The following UIMC1 variants were observed in gnomAD, a reference collection of about 807,000 sequenced individuals.
UIMC1 encodes the protein ubiquitin interaction motif containing 1.
In UIMC1, 42 loss-of-function variants were observed where a neutral mutation model predicts 84.9. The observed-to-expected ratio is 0.49, with a 90% CI of 0.39 to 0.64. UIMC1 has a LOEUF of 0.64. UIMC1 is among the 30% of genes least tolerant of loss of function. UIMC1 has a pLI of 0.00. For synonymous variants in UIMC1, 281 were observed against 293.0 expected (o/e 0.96, Z 0.42); for missense variants, 825 against 847.6 (o/e 0.97, Z 0.33).
chr5:176,970,701 C>T, intron 4 of UIMC1, 41 bp downstream of exon 4: 1 of 1,613,440 alleles, frequency 6.2e-7, no homozygotes, highest in East Asian at 2.2e-5. Context: ...AAAAATATAG[C>T]TGATCAATCT....
At chr5:176,996,572 T>A (rs1444399809) in intron 1 of UIMC1, among the ~76,000 whole-genome samples, 1 of 152,012 alleles carries the variant, frequency 6.6e-6, no homozygotes, top group Admixed American at 6.5e-5. Context: ...TAAAACAAAC[T>A]AAGAAATGTT....
rs968715144 is a variant in UIMC1, at chr5:176,939,130, GC to G, written c.1597+4204del. Among the ~76,000 whole-genome samples, 36 of 151,636 alleles carry G rather than the reference GC, an allele frequency of 2.4e-4. No individual in the cohort carries two copies. In the South Asian group the frequency reaches 2.7e-3, roughly 11 times the overall value. On this transcript the variant is annotated intron_variant, in intron 10 of 14. Coordinates refer to ENST00000511320, the MANE Select transcript of UIMC1 (RefSeq NM_001199298.2). ...AAACTAGCCAGGCGGGGTGGTGTGT[GC>G]CCATAGTCCCAGCTACTCATGAGGC...
chr5:176,981,044 C>A (rs919753206), intron 2 of UIMC1, among the ~76,000 whole-genome samples: 10 of 152,054 alleles, frequency 6.6e-5, no homozygotes, highest in Non-Finnish European at 2.9e-5. Flanking sequence ...GATGTACCTA[C>A]CCCTTGTTTT....
chr5:176,994,510 T>C (rs1260744034), intron 1 of UIMC1, among the ~76,000 whole-genome samples: 2 of 138,350 alleles, frequency 1.4e-5, no homozygotes, highest in Non-Finnish European at 3.1e-5. Context: ...GCAGTTTCTT[T>C]AAAAAAAAAA....
At chr5:176,950,951 G>A (rs1226560904) in intron 9 of UIMC1, among the ~76,000 whole-genome samples, 3 of 151,626 alleles carry the variant, frequency 2.0e-5, no homozygotes, top group Non-Finnish European at 2.9e-5. Context: ...CAGCTTTATG[G>A]TTACTGCCAG....
Position 176,905,211 on chromosome 5 carries a change from A to C in UIMC1, c.*71T>G. 6.6e-7 allele frequency: 1 copy of C among 1,517,512 alleles called. No homozygotes were observed. The highest frequency in any genetic ancestry group is 9.0e-7 in the Non-Finnish European group (1 of 1,111,290). The allele number at this position is 1,517,512 out of a possible 1,614,324, so 94.0% of individuals were successfully genotyped here. A position where few individuals can be genotyped will look rare whatever the true frequency, so the allele number is the denominator to read the frequency against. On this transcript the variant is annotated 3_prime_UTR_variant, in exon 15 of 15. Transcript: ENST00000511320. ...AAACTTGCTCAACAATGAACTAGGG[A>C]CCACTATGGCTTAATGAACATGGCC... is the stretch of plus-strand genomic sequence containing the variant.
intron 9 of UIMC1, among the ~76,000 whole-genome samples, chr5:176,947,520 T>C (rs1416400381): frequency 2.0e-5 from 3 of 152,162 alleles, no homozygotes; most frequent in Non-Finnish European, 4.4e-5. Context: ...TTTTAAAATA[T>C]TATACAACTA....
intron 10 of UIMC1, among the ~76,000 whole-genome samples, chr5:176,927,852 T>A (rs891467375): frequency 1.7e-4 from 23 of 136,702 alleles, no homozygotes; most frequent in African/African-American, 6.2e-4. Flanking sequence ...GCCAGCCAGC[T>A]TTTTTTTTTT....
chr5:177,020,081 C>T (rs1462600881), intron 1 of UIMC1, among the ~76,000 whole-genome samples: 1 of 152,202 alleles, frequency 6.6e-6, no homozygotes. Context: ...GACTAAATTA[C>T]ACCAATGAGC....
upstream of UIMC1, among the ~76,000 whole-genome samples, chr5:177,007,566 A>G (rs1213648803): frequency 6.6e-6 from 1 of 152,224 alleles, no homozygotes; most frequent in Non-Finnish European, 1.5e-5. Flanking sequence ...CTAGGTCACA[A>G]CTACTTAAGT....
At chr5:177,013,980 A>G (rs1317674891) in intron 1 of UIMC1, among the ~76,000 whole-genome samples, 6 of 152,146 alleles carry the variant, frequency 3.9e-5, no homozygotes, top group Non-Finnish European at 7.4e-5. Flanking sequence ...ACACTCCCAG[A>G]AGGAAAGTAG....
intron 10 of UIMC1, among the ~76,000 whole-genome samples, chr5:176,920,638 G>A (rs72648808): frequency 0.058 from 8,811 of 152,172 alleles, 498 homozygotes; most frequent in East Asian, 0.28. Context: ...CTTGTATCCT[G>A]CAAACTTGCT....
At chr5:176,984,801 C>T (rs977432135) in intron 1 of UIMC1, among the ~76,000 whole-genome samples, 6 of 152,168 alleles carry the variant, frequency 3.9e-5, no homozygotes, top group African/African-American at 1.4e-4. Flanking sequence ...CCCCCAACCC[C>T]GTGCTCTCTG....
chr5:176,910,975 G>A (rs1019752961), intron 11 of UIMC1, among the ~76,000 whole-genome samples: 4 of 152,010 alleles, frequency 2.6e-5, no homozygotes, highest in Admixed American at 2.0e-4. Context: ...TGTAATCCCA[G>A]CTACTTGGGA....
intron 1 of UIMC1, among the ~76,000 whole-genome samples, chr5:176,995,170 C>T (rs1295654888): frequency 6.6e-6 from 1 of 152,062 alleles, no homozygotes; most frequent in African/African-American, 2.4e-5. Context: ...CATTACCACC[C>T]AAAAACTTGT....
At chr5:177,018,843 T>C (rs1775728582) in intron 1 of UIMC1, among the ~76,000 whole-genome samples, 1 of 152,236 alleles carries the variant, frequency 6.6e-6, no homozygotes, top group Non-Finnish European at 1.5e-5. Context: ...GAGCATGTAA[T>C]TGGATTGGAG....
chr5:176,990,305 C>G (rs966299658), intron 1 of UIMC1, among the ~76,000 whole-genome samples: 3 of 152,022 alleles, frequency 2.0e-5, no homozygotes, highest in Non-Finnish European at 2.9e-5. Flanking sequence ...CCCCTTTTAC[C>G]CTTCTGCCAT....
intron 10 of UIMC1, among the ~76,000 whole-genome samples, chr5:176,915,364 G>A (rs1760834503): frequency 3.3e-5 from 5 of 151,432 alleles, no homozygotes. Context: ...CTTGTTTTAT[G>A]AGGACCTATT....
intron 10 of UIMC1, among the ~76,000 whole-genome samples, chr5:176,929,681 G>A (rs976761331): frequency 3.3e-5 from 5 of 152,116 alleles, no homozygotes; most frequent in Non-Finnish European, 7.4e-5. Context: ...AGAATATGGG[G>A]GTTCAGAGTA....
Sources: gnomAD v4.1 joint callset for allele counts (sites outside exome capture counted in the v4.1 genomes callset) on GRCh38, gnomAD v4.1.1 for gene constraint, MANE v1.5 for transcripts, NCBI Gene and HGNC (gene_info 2026-07-23, HGNC 2026-07-21) for gene names.